CALN1: variants seen among roughly 807,000 people sequenced by gnomAD.
CALN1 encodes the protein calcium-binding protein 8.
In CALN1, 17 loss-of-function variants were observed where a neutral mutation model predicts 30.6. That is an observed-to-expected ratio of 0.56 (90% CI 0.38 to 0.83). The LOEUF is 0.83. CALN1 is among the 40% of genes least tolerant of loss of function. CALN1 has a pLI of 0.00. For synonymous variants in CALN1, 156 were observed against 131.4 expected (o/e 1.19, Z -1.28); for missense variants, 291 against 354.9 (o/e 0.82, Z 1.45).
intron 3 of CALN1, among the ~76,000 whole-genome samples, chr7:72,142,752 G>T (rs759350902): frequency 6.6e-6 from 1 of 152,104 alleles, no homozygotes; most frequent in Non-Finnish European, 1.5e-5. Context: ...CACCTCACAC[G>T]GCTGGGTACC....
At chr7:71,915,520 T>C (rs1262658635) in intron 5 of CALN1, among the ~76,000 whole-genome samples, 1 of 152,134 alleles carries the variant, frequency 6.6e-6, no homozygotes, top group African/African-American at 2.4e-5. Context: ...GATCGCAAAG[T>C]CAAGAGATGG....
At chr7:72,183,906 AC>A (rs1789994174) in intron 3 of CALN1, among the ~76,000 whole-genome samples, 1 of 151,926 alleles carries the variant, frequency 6.6e-6, no homozygotes, top group Non-Finnish European at 1.5e-5. Context: ...AGAAAAACTG[AC>A]TTTTTTTTTT....
chr7:72,254,771 C>T (rs991689433), intron 3 of CALN1, among the ~76,000 whole-genome samples: 7 of 151,596 alleles, frequency 4.6e-5, no homozygotes, highest in Non-Finnish European at 1.0e-4. Flanking sequence ...CTTTTTCTTT[C>T]CCCCCCGCTG....
At chr7:72,057,106 GTT>G (rs5884874) in intron 4 of CALN1, among the ~76,000 whole-genome samples, 3 of 129,790 alleles carry the variant, frequency 2.3e-5, no homozygotes, top group Non-Finnish European at 5.0e-5. Flanking sequence ...AAGCCCACCT[GTT>G]TTTTAAAAAA....
At chr7:72,220,888 T>C (rs951141113) in intron 3 of CALN1, among the ~76,000 whole-genome samples, 12 of 152,156 alleles carry the variant, frequency 7.9e-5, no homozygotes, top group Non-Finnish European at 1.5e-4. Context: ...TTTGATGGGG[T>C]TGTTTGTTTT....
chr7:72,138,292 T>G (rs986235017), intron 3 of CALN1, among the ~76,000 whole-genome samples: 1 of 152,196 alleles, frequency 6.6e-6, no homozygotes, highest in African/African-American at 2.4e-5. Flanking sequence ...TTTGGATTTT[T>G]TTTTTTAAAC....
At chr7:72,370,144 TA>T (rs1804139328) in intron 2 of CALN1, among the ~76,000 whole-genome samples, 1 of 152,242 alleles carries the variant, frequency 6.6e-6, no homozygotes, top group African/African-American at 2.4e-5. Flanking sequence ...ACAGTCATTT[TA>T]ACTTCAGACA....
intron 1 of CALN1, among the ~76,000 whole-genome samples, chr7:72,409,467 T>C (rs937555990): frequency 7.1e-6 from 1 of 141,030 alleles, no homozygotes; most frequent in African/African-American, 2.8e-5. Context: ...TGTGCCAGCC[T>C]CTGAGGAAGG....
chr7:72,330,466 CAAAAAAA>C (rs34819395), intron 2 of CALN1, among the ~76,000 whole-genome samples: 5 of 113,058 alleles, frequency 4.4e-5, no homozygotes, highest in South Asian at 2.7e-4. Context: ...AGACTGTCTC[CAAAAAAA>C]AAAAAAAAAA....
intron 5 of CALN1, 148 bp from the exon 6 acceptor site, chr7:71,810,640 G>T: frequency 1.5e-6 from 1 of 672,278 alleles, no homozygotes; most frequent in Non-Finnish European, 2.5e-6. Flanking sequence ...ATCCTGTTCA[G>T]CTCCAAGTAT....
At chr7:72,191,617 G>C (rs1447477289) in intron 3 of CALN1, among the ~76,000 whole-genome samples, 2 of 148,698 alleles carry the variant, frequency 1.3e-5, no homozygotes, top group South Asian at 4.2e-4. Flanking sequence ...AGTGCAGAGA[G>C]AACATGGAAT....
intron 6 of CALN1, among the ~76,000 whole-genome samples, chr7:71,803,026 A>G (rs1313900824): frequency 1.2e-4 from 18 of 152,246 alleles, no homozygotes; most frequent in Non-Finnish European, 2.2e-4. Flanking sequence ...CCTGTCTCAA[A>G]AAAGAAAAAG....
chr7:72,042,802 C>A (rs991229341), intron 4 of CALN1, among the ~76,000 whole-genome samples: 4 of 152,152 alleles, frequency 2.6e-5, no homozygotes, highest in African/African-American at 9.7e-5. Flanking sequence ...ATTGTTTGAA[C>A]AAACAGTTTG....
At chr7:72,346,539 G>A (rs147525186) in intron 2 of CALN1, among the ~76,000 whole-genome samples, 190 of 151,902 alleles carry the variant, frequency 1.3e-3, no homozygotes, top group African/African-American at 4.4e-3. Flanking sequence ...TATTTGAAAC[G>A]AAATTTCACT....
At chr7:72,055,852 T>C (rs893423963) in intron 4 of CALN1, among the ~76,000 whole-genome samples, 1 of 151,658 alleles carries the variant, frequency 6.6e-6, no homozygotes, top group African/African-American at 2.4e-5. Context: ...TTTCCACAAA[T>C]AACAAAAAAA....
chr7:72,225,876 T>C (rs1793635851), intron 3 of CALN1, among the ~76,000 whole-genome samples: 1 of 152,026 alleles, frequency 6.6e-6, no homozygotes, highest in Non-Finnish European at 1.5e-5. Context: ...GGCAGGCAGA[T>C]CATGAGGTCA....
intron 2 of CALN1, among the ~76,000 whole-genome samples, chr7:72,309,226 G>A (rs1399231145): frequency 6.6e-6 from 1 of 152,184 alleles, no homozygotes; most frequent in East Asian, 1.9e-4. Context: ...GAGCCAGATG[G>A]AGAAGACACA....
chr7:72,098,760 G>GCACACACACACACACACACACA lies in CALN1; in HGVS notation c.388+7390_388+7391insTGTGTGTGTGTGTGTGTGTGTG, dbSNP rs1491327481. ...AACTCTGAGCAGTTCAGCCCATTTG[G>GCACACACACACACACACACACA]CGCGCACACACACACACACACACAC... On this transcript the variant is annotated intron_variant, in intron 4 of 6. Coordinates refer to ENST00000395275, the MANE Select transcript of CALN1 (RefSeq NM_031468.4). Among the ~76,000 whole-genome samples, 7 of 101,366 alleles carry GCACACACACACACACACACACA rather than the reference G, an allele frequency of 6.9e-5. No homozygotes were observed. In the East Asian group the frequency reaches 7.1e-4, roughly 10 times the overall value. The allele number at this position is 101,366 out of a possible 152,430, so 66.5% of individuals were successfully genotyped here.
At chr7:72,183,317 A>T (rs1789948374) in intron 3 of CALN1, among the ~76,000 whole-genome samples, 1 of 152,206 alleles carries the variant, frequency 6.6e-6, no homozygotes, top group South Asian at 2.1e-4. Context: ...GAAGAAGGCA[A>T]GGAGGGGGAG....
Sources: gnomAD v4.1 joint callset for allele counts (sites outside exome capture counted in the v4.1 genomes callset) on GRCh38, gnomAD v4.1.1 for gene constraint, MANE v1.5 for transcripts, NCBI Gene and HGNC (gene_info 2026-07-23, HGNC 2026-07-21) for gene names.